LHPP: variants seen among roughly 807,000 people sequenced by gnomAD.
LHPP encodes hLHPP.
LHPP carries 24 observed loss-of-function variants against 30.3 expected under a neutral mutation model. The observed-to-expected ratio is 0.79, with a 90% CI of 0.57 to 1.11. LHPP has a LOEUF of 1.11. Ranked by LOEUF, LHPP falls within the 50% of genes most tolerant of loss-of-function variation. LHPP has a pLI of 0.00. For missense variants in LHPP, 356 were observed against 367.2 expected (o/e 0.97, Z 0.25); for synonymous variants, 150 against 157.1 (o/e 0.95, Z 0.34).
intron 6 of LHPP, among the ~76,000 whole-genome samples, chr10:124,583,157 T>C (rs978202876): frequency 9.2e-5 from 14 of 152,224 alleles, no homozygotes; most frequent in African/African-American, 3.4e-4. Context: ...ATGAAGTCCA[T>C]TTGATCTTTT....
At chr10:124,462,872 A>G (rs1352679804) in intron 1 of LHPP, among the ~76,000 whole-genome samples, 1 of 149,590 alleles carries the variant, frequency 6.7e-6, no homozygotes, top group Non-Finnish European at 1.5e-5. Context: ...TACTTTTTTT[A>G]TTTGTTTTGT....
At chr10:124,475,722 A>G (rs1052263585) in intron 1 of LHPP, among the ~76,000 whole-genome samples, 5 of 151,344 alleles carry the variant, frequency 3.3e-5, no homozygotes, top group African/African-American at 4.9e-5. Context: ...CCTTACTTAC[A>G]GGGGCCTGGC....
chr10:124,514,227 TG>T (rs1954389583), intron 5 of LHPP, among the ~76,000 whole-genome samples: 1 of 152,068 alleles, frequency 6.6e-6, no homozygotes, highest in South Asian at 2.1e-4. Flanking sequence ...CCTGAAGGCC[TG>T]GGGGGAATTA....
rs1387338637 is a variant in LHPP at position 124,556,782 on chromosome 10, G to A, written c.716+39511G>A. ...GATAATGAGACTAAAGGCTTTTTCTGTCTTCCTCAGTCGCTGATATTTGTT... is the reference window on the plus strand; with the variant it reads ...GATAATGAGACTAAAGGCTTTTTCTATCTTCCTCAGTCGCTGATATTTGTT... On this transcript the variant is annotated intron_variant, in intron 6 of 6. Coordinates refer to ENST00000368842, the MANE Select transcript of LHPP (RefSeq NM_022126.4). 2.0e-5 allele frequency among the ~76,000 whole-genome samples: 3 copies of A among 152,192 alleles called. No homozygotes were observed. In the East Asian group the frequency reaches 5.8e-4, roughly 29 times the overall value.
At chr10:124,520,001 T>C (rs1954570868) in intron 6 of LHPP, among the ~76,000 whole-genome samples, 1 of 151,882 alleles carries the variant, frequency 6.6e-6, no homozygotes, top group African/African-American at 2.4e-5. Context: ...CCCGGCTAAT[T>C]TTTTGGTATT....
At chr10:124,581,782 C>T (rs552675419) in intron 6 of LHPP, among the ~76,000 whole-genome samples, 1 of 149,610 alleles carries the variant, frequency 6.7e-6, no homozygotes, top group East Asian at 2.0e-4. Flanking sequence ...CACACACACA[C>T]ACACACATTT....
chr10:124,489,633 TGG>T (rs1182222946), intron 3 of LHPP, among the ~76,000 whole-genome samples: 38 of 152,316 alleles, frequency 2.5e-4, no homozygotes, highest in African/African-American at 8.2e-4. Flanking sequence ...TTTATATTTT[TGG>T]TAGAGGCGGG....
chr10:124,469,679 C>T (rs964905610), intron 1 of LHPP, among the ~76,000 whole-genome samples: 2 of 152,030 alleles, frequency 1.3e-5, no homozygotes, highest in Non-Finnish European at 2.9e-5. Flanking sequence ...TTTACTCATA[C>T]ACTCAACAAG....
chr10:124,483,178 C>A (rs536676281), intron 1 of LHPP, among the ~76,000 whole-genome samples: 1 of 152,290 alleles, frequency 6.6e-6, no homozygotes, highest in African/African-American at 2.4e-5. Flanking sequence ...TGGGCAGGGT[C>A]CACGTCCTGT....
chr10:124,539,774 C>T (rs535523220), intron 6 of LHPP, among the ~76,000 whole-genome samples: 8 of 147,546 alleles, frequency 5.4e-5, no homozygotes, highest in Admixed American at 3.4e-4. Context: ...TGGTGGCACA[C>T]ACCTGTAGTC....
chr10:124,533,884 G>C (rs1010305530), intron 6 of LHPP, among the ~76,000 whole-genome samples: 2 of 152,252 alleles, frequency 1.3e-5, no homozygotes, highest in African/African-American at 4.8e-5. Flanking sequence ...AGGACTCAGT[G>C]GGATATGGAA....
At chr10:124,542,419 C>G (rs563837285) in intron 6 of LHPP, among the ~76,000 whole-genome samples, 1 of 152,346 alleles carries the variant, frequency 6.6e-6, no homozygotes, top group South Asian at 2.1e-4. Flanking sequence ...GGGGATGCAG[C>G]CAGCAGGTGG....
At chr10:124,574,038 A>G (rs902402771) in intron 6 of LHPP, among the ~76,000 whole-genome samples, 11 of 152,056 alleles carry the variant, frequency 7.2e-5, no homozygotes, top group African/African-American at 2.7e-4. Flanking sequence ...CTGCAGGAGC[A>G]CCTGGCGTGG....
At chr10:124,577,079 C>T (rs1308454976) in intron 6 of LHPP, among the ~76,000 whole-genome samples, 1 of 152,228 alleles carries the variant, frequency 6.6e-6, no homozygotes, top group East Asian at 1.9e-4. Context: ...AAAGTAGGTA[C>T]CATTGTCATC....
At chr10:124,518,959 T>A (rs939449750) in intron 6 of LHPP, among the ~76,000 whole-genome samples, 5 of 152,202 alleles carry the variant, frequency 3.3e-5, no homozygotes, top group Non-Finnish European at 7.4e-5. Flanking sequence ...TTTTTGTTTT[T>A]TTGAGACAGA....
intron 3 of LHPP, among the ~76,000 whole-genome samples, chr10:124,494,478 C>G (rs534119907): frequency 6.6e-6 from 1 of 152,218 alleles, no homozygotes; most frequent in African/African-American, 2.4e-5. Flanking sequence ...TCCGTCCTGG[C>G]TTACTTCCAC....
At chr10:124,515,768 C>T (rs554634791) in intron 5 of LHPP, among the ~76,000 whole-genome samples, 90 of 152,352 alleles carry the variant, frequency 5.9e-4, no homozygotes, top group African/African-American at 2.1e-3. Flanking sequence ...CCCTGTGCAT[C>T]GTGAGTGAGC....
chr10:124,488,668 A>AGGGGAGG, intron 3 of LHPP, 93 bp downstream of exon 3: 1 of 1,173,440 alleles, frequency 8.5e-7, no homozygotes. Flanking sequence ...AGGATGCAGA[A>AGGGGAGG]GGGGAGGTGG....
In LHPP at chr10:124,484,308, T is replaced by C; in HGVS notation, c.295T>C (p.Tyr99His). Residue 99 changes from tyrosine (Y) to histidine (H), a missense_variant, in exon 2 of 7, where the codon TAC (tyrosine) becomes CAC (histidine). By Grantham distance (83) the Tyr-to-His change is moderately conservative. Transcript: ENST00000368842. ...CCTGAAGGAGCAAGGCCTGCGACCA[T>C]ACCTGCTCATCCATGACGGTAGGCC... is the stretch of plus-strand genomic sequence containing the variant. The part of the protein sequence containing the change: ...QILKEQGLRP[Y>H]LLIHDGVRSE... 6.2e-7 allele frequency: 1 copy of C among 1,613,230 alleles called. No homozygotes were observed. Among genetic ancestry groups the C allele is most frequent in the Non-Finnish European group, 8.5e-7 (1 of 1,179,392 alleles).
Sources: gnomAD v4.1 joint callset for allele counts (sites outside exome capture counted in the v4.1 genomes callset) on GRCh38, gnomAD v4.1.1 for gene constraint, MANE v1.5 for transcripts, NCBI Gene and HGNC (gene_info 2026-07-23, HGNC 2026-07-21) for gene names.